Variants in CHL1 observed in about 807,000 individuals in gnomAD.
CHL1 encodes neural cell adhesion molecule L1-like protein.
CHL1 carries 96 observed loss-of-function variants against 141.9 expected under a neutral mutation model. The observed-to-expected ratio is 0.68, with a 90% CI of 0.57 to 0.80. The LOEUF is 0.80. Ranked by LOEUF, CHL1 falls within the 30% of genes least tolerant of loss-of-function variation. The pLI, the probability that CHL1 is intolerant of heterozygous loss-of-function variation, is 0.00. For missense variants in CHL1, 1,820 were observed against 1,457.2 expected (o/e 1.25, Z -4.05); for synonymous variants, 613 against 502.2 (o/e 1.22, Z -2.95).
intron 10 of CHL1, among the ~76,000 whole-genome samples, chr3:349,953 C>T (rs952916685): frequency 6.7e-6 from 1 of 148,804 alleles, no homozygotes; most frequent in African/African-American, 2.5e-5. Context: ...TTGCTGTGCC[C>T]TTTGCCATTT....
At position 383,845 on chromosome 3, in the gene CHL1, G is replaced by A; in HGVS notation, c.2206G>A (p.Val736Ile). The A allele has an allele frequency of 6.2e-7, 1 of 1,610,366 alleles. No homozygotes were observed. ...APDRNPQNIR[V>I]QASQPKEMII... ...AGATAGGAATCCACAAAACATAAGG[G>A]TTCAAGCCTCTCAACCCAAGGAAAT... The change falls in exon 19 of 28, where the codon GTT (valine) becomes ATT (isoleucine). Residue 736 changes from valine (V) to isoleucine (I), a missense_variant. Physicochemically the swap from Val to Ile is conservative, Grantham distance 29. Transcript: ENST00000256509.
intron 1 of CHL1, among the ~76,000 whole-genome samples, chr3:208,827 C>G (rs1218300944): frequency 6.6e-6 from 1 of 152,082 alleles, no homozygotes; most frequent in Non-Finnish European, 1.5e-5. Flanking sequence ...AGGATAGTTT[C>G]TTAGTTAGTA....
intron 2 of CHL1, among the ~76,000 whole-genome samples, chr3:260,385 A>G (rs897119116): frequency 6.6e-6 from 1 of 152,244 alleles, no homozygotes; most frequent in Non-Finnish European, 1.5e-5. Context: ...TGTATATTTT[A>G]AGTCAACTGC....
chr3:347,248 C>G (rs542719099), intron 9 of CHL1, among the ~76,000 whole-genome samples: 1 of 151,558 alleles, frequency 6.6e-6, no homozygotes, highest in Admixed American at 6.6e-5. Context: ...GAGAAATATG[C>G]AAATAAAAGT....
chr3:219,733 TTAAC>T (rs1318848444), intron 1 of CHL1, among the ~76,000 whole-genome samples: 4 of 151,930 alleles, frequency 2.6e-5, no homozygotes, highest in Non-Finnish European at 4.4e-5. Context: ...ATCAGAAAAA[TTAAC>T]TAATGGGAAC....
Position 409,347 on chromosome 3 carries a change from T to G in CHL1, c.*3636T>G, listed in dbSNP as rs985234162. 1.3e-5 allele frequency: 2 copies of G among 152,074 alleles called. No homozygotes were observed. Among genetic ancestry groups the G allele is most frequent in the Non-Finnish European group, 2.9e-5 (2 of 67,972 alleles). 9.4% of individuals were successfully genotyped at this position (152,074 alleles called of 1,614,324 possible). On this transcript the variant is annotated 3_prime_UTR_variant, in exon 28 of 28. Transcript: ENST00000256509. ...GTATTATGCTTATGACTATGTATGG[T>G]TTGAAAATATTTTCATTATACATGA...
intron 1 of CHL1, among the ~76,000 whole-genome samples, chr3:202,958 A>G (rs758010904): frequency 1.3e-5 from 2 of 152,228 alleles, no homozygotes; most frequent in Admixed American, 6.5e-5. Context: ...TCATACATTT[A>G]GAACAGGCCC....
At chr3:224,441 G>C (rs964182916) in intron 1 of CHL1, among the ~76,000 whole-genome samples, 3 of 152,094 alleles carry the variant, frequency 2.0e-5, no homozygotes. Flanking sequence ...TGGGTCATGG[G>C]AACAGATCCC....
intron 2 of CHL1, among the ~76,000 whole-genome samples, chr3:284,180 G>C (rs1696913657): frequency 6.6e-6 from 1 of 152,160 alleles, no homozygotes; most frequent in South Asian, 2.1e-4. Context: ...TAAGTGTTTT[G>C]TTTACAATAA....
At chr3:313,167 T>C (rs928597342) in intron 2 of CHL1, among the ~76,000 whole-genome samples, 1 of 152,184 alleles carries the variant, frequency 6.6e-6, no homozygotes, top group African/African-American at 2.4e-5. Context: ...GTTGCTGCCA[T>C]AGAAATGAAA....
At chr3:385,598 G>C (rs144915589) in intron 19 of CHL1, 3,889 of 152,472 alleles carry the variant, frequency 0.026, 62 homozygotes, top group Non-Finnish European at 0.036. Context: ...GGGAGGCCAA[G>C]GCGGGCAGAT....
intron 2 of CHL1, among the ~76,000 whole-genome samples, chr3:286,146 C>A (rs1041064797): frequency 2.0e-5 from 3 of 152,112 alleles, no homozygotes; most frequent in Admixed American, 6.6e-5. Context: ...CTCTGCCCAC[C>A]CTACCCCAGA....
At chr3:397,271 T>C (rs1708754667) in intron 24 of CHL1, among the ~76,000 whole-genome samples, 11 of 152,148 alleles carry the variant, frequency 7.2e-5, no homozygotes, top group Admixed American at 7.2e-4. Flanking sequence ...AAGGCTTTGC[T>C]CATATAATTG....
At chr3:386,820 A>T (rs1707762048) in intron 19 of CHL1, among the ~76,000 whole-genome samples, 1 of 152,220 alleles carries the variant, frequency 6.6e-6, no homozygotes, top group Non-Finnish European at 1.5e-5. Flanking sequence ...ATTAAATGAA[A>T]TATTGTATAA....
At chr3:374,648 C>T (rs544178782) in intron 15 of CHL1, among the ~76,000 whole-genome samples, 1 of 152,312 alleles carries the variant, frequency 6.6e-6, no homozygotes, top group African/African-American at 2.4e-5. Flanking sequence ...TTTCCCTAAA[C>T]AAGTAACAGG....
rs569466559 is a variant in CHL1 at position 215,850 on chromosome 3, G to C, written c.-175+18787G>C. Among the ~76,000 whole-genome samples, 3 of 152,184 alleles carry C rather than the reference G, an allele frequency of 2.0e-5. No homozygotes were observed. The East Asian group carries it at 5.8e-4, about 29-fold the overall frequency. ...GAAAGATACATTGTATCTTTTGAAT[G>C]ATTCAATAGTGAAATTTATTTCTGA... On this transcript the variant is annotated intron_variant, in intron 1 of 27. Coordinates refer to ENST00000256509, the MANE Select transcript of CHL1 (RefSeq NM_006614.4).
rs1338261073 is a variant in CHL1 at position 322,644 on chromosome 3, A to AT, written c.91+2777_91+2778insT. Among the ~76,000 whole-genome samples the AT allele has an allele frequency of 1.9e-4, 16 of 82,648 alleles. No individual in the cohort carries two copies. In the South Asian group the frequency reaches 4.5e-3, roughly 23 times the overall value. 54.2% of individuals were successfully genotyped at this position (82,648 alleles called of 152,430 possible). ...CATCTCTAAATTATATATATATATA[A>AT]AATATATATATATATATATATATAT... On this transcript the variant is annotated intron_variant, in intron 3 of 27. Transcript: ENST00000256509.
chr3:346,690 C>T (rs577983218), intron 9 of CHL1, among the ~76,000 whole-genome samples: 1 of 152,228 alleles, frequency 6.6e-6, no homozygotes, highest in East Asian at 1.9e-4. Flanking sequence ...GAAGTAGTTT[C>T]TTCTTACTCA....
At chr3:307,365 G>C (rs1461497714) in intron 2 of CHL1, among the ~76,000 whole-genome samples, 1 of 152,190 alleles carries the variant, frequency 6.6e-6, no homozygotes, top group Non-Finnish European at 1.5e-5. Flanking sequence ...CCTGTATTCT[G>C]TCAGCTTGAT....
Sources: allele counts gnomAD v4.1 joint callset (sites outside exome capture counted in the v4.1 genomes callset), GRCh38; gene constraint gnomAD v4.1.1; transcripts MANE v1.5; gene names NCBI Gene and HGNC (gene_info 2026-07-23, HGNC 2026-07-21).